Variants in MAGI1 observed in about 807,000 individuals in gnomAD.
The protein encoded by MAGI1 is membrane associated guanylate kinase, WW and PDZ domain containing 1, also known as membrane-associated guanylate kinase, WW and PDZ domain-containing protein 1.
A neutral mutation model predicts 139.9 loss-of-function variants in MAGI1; 58 were observed. The observed-to-expected ratio is 0.41, with a 90% CI of 0.34 to 0.52. The LOEUF (loss-of-function observed/expected upper bound fraction) is 0.52. Ranked by LOEUF, MAGI1 falls within the 20% of genes least tolerant of loss-of-function variation. The pLI, the probability that MAGI1 is intolerant of heterozygous loss-of-function variation, is 0.12. For missense variants in MAGI1, 1,874 were observed against 1,901.6 expected, an observed-to-expected ratio of 0.99 and a Z score of 0.27; for synonymous variants, 812 against 737.9, an observed-to-expected ratio of 1.10 and a Z score of -1.63.
At chr3:65,387,333 A>G in intron 14 of MAGI1, 4 of 761,876 alleles carry the variant, frequency 5.3e-6, no homozygotes, top group Non-Finnish European at 8.8e-6. Flanking sequence ...AGCTTTCACA[A>G]TAAAGGTCAT....
chr3:65,451,782 C>A (rs1029737429), intron 6 of MAGI1, among the ~76,000 whole-genome samples: 1 of 151,952 alleles, frequency 6.6e-6, no homozygotes, highest in Non-Finnish European at 1.5e-5. Context: ...GTAGCTGGGA[C>A]CACAGGCGCA....
chr3:65,978,420 G>A (rs1038081546), intron 1 of MAGI1, among the ~76,000 whole-genome samples: 4 of 152,056 alleles, frequency 2.6e-5, no homozygotes, highest in Non-Finnish European at 5.9e-5. Context: ...TGAATCTCCA[G>A]GAGCCTAGAA....
chr3:65,481,540 C>T (rs897590625), intron 3 of MAGI1, among the ~76,000 whole-genome samples: 3 of 152,134 alleles, frequency 2.0e-5, no homozygotes, highest in African/African-American at 7.2e-5. Context: ...TATTATATCA[C>T]GACATCATGT....
intron 2 of MAGI1, among the ~76,000 whole-genome samples, chr3:65,554,967 T>C (rs1036327966): frequency 1.3e-5 from 2 of 152,196 alleles, no homozygotes; most frequent in African/African-American, 2.4e-5. Flanking sequence ...GTTTAGGTAA[T>C]AGTACTGTAC....
chr3:65,944,523 A>G (rs1004926138), intron 1 of MAGI1, among the ~76,000 whole-genome samples: 7 of 151,404 alleles, frequency 4.6e-5, no homozygotes, highest in Admixed American at 1.3e-4. Context: ...ATCTCAAGGG[A>G]AAAAAAAATA....
intron 1 of MAGI1, among the ~76,000 whole-genome samples, chr3:65,979,062 G>T (rs1278865350): frequency 7.2e-6 from 1 of 139,578 alleles, no homozygotes; most frequent in Non-Finnish European, 1.6e-5. Flanking sequence ...AAGTTAGAAA[G>T]AACAGCCAAA....
At chr3:65,364,750 T>A in intron 19 of MAGI1, 25 bp from the exon 20 acceptor site, 1 of 1,612,200 alleles carries the variant, frequency 6.2e-7, no homozygotes, top group Non-Finnish European at 8.5e-7. Flanking sequence ...GAAATAAATA[T>A]AAGAGCAACC....
intron 1 of MAGI1, among the ~76,000 whole-genome samples, chr3:65,997,548 C>T (rs1327272297): frequency 2.0e-5 from 3 of 151,768 alleles, no homozygotes; most frequent in African/African-American, 7.3e-5. Flanking sequence ...CCCAGCTACT[C>T]GGGAGGCTGA....
intron 1 of MAGI1, among the ~76,000 whole-genome samples, chr3:65,965,310 G>A (rs760117632): frequency 1.3e-5 from 2 of 151,960 alleles, no homozygotes; most frequent in African/African-American, 2.4e-5. Context: ...ACTATTCCAC[G>A]TTACCCTTTT....
chr3:65,934,173 T>A (rs1472005162), intron 1 of MAGI1, among the ~76,000 whole-genome samples: 1 of 151,680 alleles, frequency 6.6e-6, no homozygotes, highest in East Asian at 1.9e-4. Flanking sequence ...AAGAGGTGAA[T>A]CTAGGTGAGA....
At chr3:65,750,341 A>G (rs920164371) in intron 1 of MAGI1, among the ~76,000 whole-genome samples, 5 of 152,172 alleles carry the variant, frequency 3.3e-5, no homozygotes, top group Non-Finnish European at 5.9e-5. Context: ...TTATACGTAC[A>G]GTGGTGAGAA....
intron 12 of MAGI1, among the ~76,000 whole-genome samples, chr3:65,421,651 T>A (rs1386752282): frequency 6.6e-6 from 1 of 152,228 alleles, no homozygotes. Context: ...AGATTAAAGG[T>A]ACTTTAATGA....
rs115144187 is a variant in MAGI1, at chr3:65,424,719, G to C, written c.2167+4801C>G. ...GTCACTTACAAAACAGACTTTAAAA[G>C]TTGAACATTACTCAGAAACGAAAAT... On this transcript the variant is annotated intron_variant, in intron 12 of 22. Coordinates refer to ENST00000402939, the MANE Select transcript of MAGI1 (RefSeq NM_001033057.2). Among the ~76,000 whole-genome samples the C allele has an allele frequency of 4.8e-3, 729 of 152,226 alleles. 4 individuals are homozygous for C. The highest frequency in any genetic ancestry group is 0.017 in the African/African-American group (688 of 41,532).
intron 1 of MAGI1, among the ~76,000 whole-genome samples, chr3:65,756,004 T>C (rs115932686): frequency 7.0e-4 from 106 of 152,336 alleles, no homozygotes; most frequent in Admixed American, 8.5e-4. Context: ...CCCTTAAGTC[T>C]TTAAAATAAT....
intron 2 of MAGI1, among the ~76,000 whole-genome samples, chr3:65,528,746 C>T (rs897560642): frequency 2.6e-5 from 4 of 152,156 alleles, no homozygotes; most frequent in African/African-American, 9.7e-5. Context: ...CATTATTTTA[C>T]CATTCAAAAT....
intron 1 of MAGI1, among the ~76,000 whole-genome samples, chr3:65,947,738 T>G (rs957169835): frequency 1.3e-5 from 2 of 152,018 alleles, no homozygotes; most frequent in African/African-American, 4.8e-5. Context: ...CACATCAGCC[T>G]CCTGAGTAGC....
chr3:65,628,625 G>A (rs867623307), intron 1 of MAGI1, among the ~76,000 whole-genome samples: 10 of 152,258 alleles, frequency 6.6e-5, no homozygotes, highest in Middle Eastern at 3.4e-3. Flanking sequence ...TGGGCATGCA[G>A]TCTAGACATA....
chr3:65,749,859 T>C (rs1201601626), intron 1 of MAGI1, among the ~76,000 whole-genome samples: 2 of 152,122 alleles, frequency 1.3e-5, no homozygotes, highest in Admixed American at 6.5e-5. Context: ...AATCCTTATT[T>C]TTAAAAAGAG....
intron 1 of MAGI1, among the ~76,000 whole-genome samples, chr3:65,653,344 C>T (rs2085692483): frequency 6.6e-6 from 1 of 152,164 alleles, no homozygotes; most frequent in Non-Finnish European, 1.5e-5. Flanking sequence ...TGGCCCCTTC[C>T]ACCAGACATA....
Sources: gnomAD v4.1 joint callset for allele counts (sites outside exome capture counted in the v4.1 genomes callset) on GRCh38, gnomAD v4.1.1 for gene constraint, MANE v1.5 for transcripts, NCBI Gene and HGNC (gene_info 2026-07-23, HGNC 2026-07-21) for gene names.